The following NTM variants were observed in gnomAD, a reference collection of about 807,000 sequenced individuals.
NTM encodes the protein IgLON family member 2.
In NTM, 13 loss-of-function variants were observed where a neutral mutation model predicts 42.1. The observed-to-expected ratio is 0.31, with a 90% CI of 0.20 to 0.49. The LOEUF is 0.49. Among genes scored for constraint, NTM ranks in the 20% least tolerant of loss-of-function variants. NTM has a pLI of 0.99. For missense variants in NTM, 373 were observed against 452.8 expected, an observed-to-expected ratio of 0.82 and a Z score of 1.60; for synonymous variants, 187 against 179.2, an observed-to-expected ratio of 1.04 and a Z score of -0.35.
intron 3 of NTM, among the ~76,000 whole-genome samples, chr11:132,151,943 T>C (rs1291199378): frequency 2.6e-5 from 4 of 152,200 alleles, no homozygotes; most frequent in Non-Finnish European, 5.9e-5. Flanking sequence ...TGTCTCCCTA[T>C]TTCTGACTCT....
At chr11:132,286,413 A>G (rs1015502201) in intron 4 of NTM, among the ~76,000 whole-genome samples, 3 of 152,148 alleles carry the variant, frequency 2.0e-5, no homozygotes, top group Admixed American at 1.3e-4. Flanking sequence ...GACCTGAATG[A>G]AGGATTGAAA....
intron 1 of NTM, among the ~76,000 whole-genome samples, chr11:131,704,059 C>A (rs1360132231): frequency 1.4e-5 from 2 of 144,660 alleles, no homozygotes; most frequent in Non-Finnish European, 3.0e-5. Context: ...AGGCTCTAGG[C>A]CAGCCCTTAC....
chr11:131,886,989 G>A (rs1321812464), intron 1 of NTM, among the ~76,000 whole-genome samples: 1 of 152,160 alleles, frequency 6.6e-6, no homozygotes, highest in Non-Finnish European at 1.5e-5. Context: ...CCTTGTCTAA[G>A]GTCAAATAGG....
intron 2 of NTM, among the ~76,000 whole-genome samples, chr11:131,945,556 T>C (rs534008531): frequency 2.0e-5 from 3 of 152,232 alleles, no homozygotes; most frequent in South Asian, 4.2e-4. Context: ...AAGTGAAATA[T>C]CCAAACTAAC....
rs986090473 is a variant in NTM at position 132,146,607 on chromosome 11, T to A, written c.400+93T>A. On this transcript the variant is annotated intron_variant, in intron 3 of 8. Transcript: ENST00000683400. This position sits in a 1 kb window ranked among gnomAD's most constrained non-coding sequence, Gnocchi z 4.5. ...TTCTCTGATCCTCAACAGAGATGAG[T>A]TATCCTTATTCTACGCATCTGGGGT... 34 of 1,344,796 alleles carry A rather than the reference T, an allele frequency of 2.5e-5. No individual in the cohort carries two copies. The highest frequency in any genetic ancestry group is 3.5e-5 in the Non-Finnish European group (34 of 979,966). The allele number at this position is 1,344,796 out of a possible 1,614,324, so 83.3% of individuals were successfully genotyped here.
intron 4 of NTM, among the ~76,000 whole-genome samples, chr11:132,257,767 G>A (rs1420798396): frequency 6.6e-6 from 1 of 152,194 alleles, no homozygotes; most frequent in Admixed American, 6.5e-5. Context: ...ATGTGTGGCA[G>A]GGCCAGGATT....
At chr11:132,041,468 G>T (rs1177450354) in intron 2 of NTM, among the ~76,000 whole-genome samples, 1 of 27,674 alleles carries the variant, frequency 3.6e-5, no homozygotes, top group Non-Finnish European at 5.4e-5. Context: ...CATGTATTCA[G>T]AATTAACCTT....
chr11:131,759,449 T>C (rs1174557203), intron 1 of NTM, among the ~76,000 whole-genome samples: 10 of 152,328 alleles, frequency 6.6e-5, no homozygotes, highest in Admixed American at 5.9e-4. Flanking sequence ...CATTGGGACA[T>C]GGACATTTTC....
At chr11:131,839,002 C>T (rs1275074635) in intron 1 of NTM, among the ~76,000 whole-genome samples, 1 of 151,130 alleles carries the variant, frequency 6.6e-6, no homozygotes, top group African/African-American at 2.4e-5. Flanking sequence ...GCACTGTCAC[C>T]CGGGCTGGAG....
chr11:131,635,648 T>C (rs1048208791), intron 1 of NTM, among the ~76,000 whole-genome samples: 2 of 152,170 alleles, frequency 1.3e-5, no homozygotes, highest in African/African-American at 4.8e-5. Flanking sequence ...AAAGACTTTT[T>C]TATTAATTTA....
chr11:132,295,689 T>C (rs1419212241), intron 4 of NTM, among the ~76,000 whole-genome samples: 1 of 152,124 alleles, frequency 6.6e-6, no homozygotes, highest in Non-Finnish European at 1.5e-5. Flanking sequence ...CACTGGTGTG[T>C]CCAGTGGGTG....
At chr11:132,068,833 G>C (rs1451818557) in intron 2 of NTM, among the ~76,000 whole-genome samples, 7 of 152,342 alleles carry the variant, frequency 4.6e-5, no homozygotes, top group Non-Finnish European at 8.8e-5. Flanking sequence ...CTGTCCACAA[G>C]TGGGATTTCT....
intron 3 of NTM, among the ~76,000 whole-genome samples, chr11:132,154,044 G>A (rs1042337058): frequency 2.0e-5 from 3 of 152,184 alleles, no homozygotes; most frequent in Non-Finnish European, 4.4e-5. Flanking sequence ...AGCTTGGAAG[G>A]CTGAACGTGT....
rs1179042920 is a variant in NTM, at chr11:132,307,806, T to C, written c.644T>C (p.Val215Ala). Residue 215 changes from valine to alanine, a missense_variant, in exon 5 of 9, where the codon GTA (valine) becomes GCA (alanine). Physicochemically the swap from Val to Ala is moderately conservative, Grantham distance 64. Transcript: ENST00000683400. ...NDVAAPVVRR[V>A]KVTVNYPPYI... ...GTGGCCGCGCCCGTGGTACGGAGAG[T>C]AAAGGTCACCGTGAACTGTAAGTGT... 1.2e-6 allele frequency: 2 copies of C among 1,613,354 alleles called. No homozygotes were observed. The highest frequency in any genetic ancestry group is 2.7e-5 in the African/African-American group (2 of 74,658).
At chr11:131,696,220 G>T (rs563161290) in intron 1 of NTM, among the ~76,000 whole-genome samples, 1 of 152,186 alleles carries the variant, frequency 6.6e-6, no homozygotes, top group African/African-American at 2.4e-5. Context: ...TCATTGTCAC[G>T]TGATGACTGT....
intron 1 of NTM, among the ~76,000 whole-genome samples, chr11:131,464,224 A>G (rs900836745): frequency 6.6e-6 from 1 of 152,152 alleles, no homozygotes; most frequent in African/African-American, 2.4e-5. Flanking sequence ...ACCAAGCACC[A>G]TATGGAAACT....
At chr11:131,511,801 C>T (rs2048287858) in intron 1 of NTM, among the ~76,000 whole-genome samples, 1 of 152,208 alleles carries the variant, frequency 6.6e-6, no homozygotes, top group South Asian at 2.1e-4. Flanking sequence ...TCAGCTCTTA[C>T]AGCACAAATG....
At chr11:131,832,205 A>G (rs1332426512) in intron 1 of NTM, among the ~76,000 whole-genome samples, 1 of 147,094 alleles carries the variant, frequency 6.8e-6, no homozygotes, top group Non-Finnish European at 1.5e-5. Context: ...AAAAAAAAAC[A>G]GAGTTCATAT....
At chr11:132,160,092 G>T (rs1264593635) in intron 3 of NTM, among the ~76,000 whole-genome samples, 3 of 152,214 alleles carry the variant, frequency 2.0e-5, no homozygotes, top group African/African-American at 7.2e-5. Context: ...TTTTTCTAAA[G>T]AGTTACCTGG....
Sources: gnomAD v4.1 joint callset for allele counts (sites outside exome capture counted in the v4.1 genomes callset) on GRCh38, gnomAD v4.1.1 for gene constraint, Gnocchi (gnomAD v3.1) non-coding constraint, MANE v1.5 for transcripts, NCBI Gene and HGNC (gene_info 2026-07-23, HGNC 2026-07-21) for gene names.